The following ZNF469 variants were observed in gnomAD, a reference collection of about 807,000 sequenced individuals.
The protein encoded by ZNF469 is zinc finger protein 469.
Under a neutral mutation model 1.0 loss-of-function variants are expected in ZNF469, and 1 was observed. The observed-to-expected ratio is 1.00, with a 90% CI of 0.35 to 4.73. ZNF469 has a LOEUF of 4.73. Ranked by LOEUF, ZNF469 falls within the 30% of genes most tolerant of loss-of-function variation. The probability of loss-of-function intolerance (pLI) is 0.16; values close to 1 mark genes in which losing one functional copy is unlikely to be tolerated. For missense variants in ZNF469, 6,100 were observed against 5,356.3 expected (o/e 1.14, Z -4.33); for synonymous variants, 2,703 against 2,363.4 (o/e 1.14, Z -4.17).
chr16:88,160,592 C>T, the ZNF469 span, among the ~76,000 whole-genome samples: 1 of 152,176 alleles, frequency 6.6e-6, no homozygotes, highest in Non-Finnish European at 1.5e-5. Flanking sequence ...TCGCTTTTCT[C>T]AACTCTTTTC....
chr16:88,118,229 C>T, the ZNF469 span, among the ~76,000 whole-genome samples: 16 of 152,376 alleles, frequency 1.1e-4, no homozygotes, highest in South Asian at 3.3e-3. Context: ...AGGCGTGAAC[C>T]ACTGCACCCG....
the ZNF469 span, among the ~76,000 whole-genome samples, chr16:88,197,172 G>A: frequency 3.9e-5 from 6 of 152,262 alleles, no homozygotes; most frequent in South Asian, 6.2e-4. Context: ...TCTAGCCTTC[G>A]GATAAAGCTG....
At chr16:88,223,652 C>T in the ZNF469 span, among the ~76,000 whole-genome samples, 1 of 152,124 alleles carries the variant, frequency 6.6e-6, no homozygotes, top group Non-Finnish European at 1.5e-5. Context: ...GTGCCTGGTG[C>T]GTGGGGCGTC....
chr16:88,230,793 C>A, the ZNF469 span, among the ~76,000 whole-genome samples: 1 of 152,344 alleles, frequency 6.6e-6, no homozygotes, highest in East Asian at 1.9e-4. Context: ...CAGTCCCCAC[C>A]CGCTGCTGAA....
chr16:88,417,129 C>G (rs1905322710), intron 1 of ZNF469, among the ~76,000 whole-genome samples: 1 of 152,282 alleles, frequency 6.6e-6, no homozygotes, highest in Admixed American at 6.5e-5. Context: ...TGCTGGGCCT[C>G]CCCCAGGAGG....
At chr16:88,388,809 T>C (rs1016849589) in intron 1 of ZNF469, among the ~76,000 whole-genome samples, 11 of 151,778 alleles carry the variant, frequency 7.2e-5, no homozygotes, top group Non-Finnish European at 1.5e-5. Flanking sequence ...CTGCCCCATC[T>C]GTAGAAGCCG....
intron 1 of ZNF469, among the ~76,000 whole-genome samples, chr16:88,413,142 C>T (rs996987477): frequency 1.2e-4 from 18 of 152,298 alleles, no homozygotes; most frequent in South Asian, 6.2e-4. Context: ...CATAGTCGTG[C>T]GTAAAGCTAA....
At chr16:88,150,937 CG>C in the ZNF469 span, among the ~76,000 whole-genome samples, 1 of 152,118 alleles carries the variant, frequency 6.6e-6, no homozygotes, top group South Asian at 2.1e-4. Context: ...TCCTCAGGCC[CG>C]GGGAAGGGGT....
In ZNF469 at chr16:88,433,395, G is replaced by A; in HGVS notation, c.5925G>A (p.Leu1975=). 6.5e-7 allele frequency: 1 copy of A among 1,550,348 alleles called. No individual in the cohort carries two copies. The highest frequency in any genetic ancestry group is 1.2e-5 in the South Asian group (1 of 84,064). Residue 1975 remains leucine (L), a synonymous_variant, in exon 3 of 3, where the codon CTG becomes CTA. Coordinates refer to ENST00000565624, the MANE Select transcript of ZNF469 (RefSeq NM_001367624.2). ...TTLPAVAGHQ[L]GLEADGHWGL... is the part of the protein sequence containing the mutation. ...TCCCTGCAGTGGCCGGACATCAGCTGGGGCTGGAGGCAGATGGACATTGGG... is the reference window on the plus strand; with the variant it reads ...TCCCTGCAGTGGCCGGACATCAGCTAGGGCTGGAGGCAGATGGACATTGGG...
chr16:88,129,229 C>T, the ZNF469 span, among the ~76,000 whole-genome samples: 2 of 152,222 alleles, frequency 1.3e-5, no homozygotes, highest in African/African-American at 4.8e-5. Context: ...ACCAAACTAA[C>T]ACGAGCCTCA....
the ZNF469 span, among the ~76,000 whole-genome samples, chr16:88,152,087 T>G: frequency 6.6e-6 from 1 of 152,076 alleles, no homozygotes. The surrounding 1 kb of genome is among the most constrained non-coding windows in gnomAD (Gnocchi z 4.2). Context: ...AGAGCTGGCT[T>G]TGGAGAAGAT....
chr16:88,410,558 C>T (rs1048061595), intron 1 of ZNF469, among the ~76,000 whole-genome samples: 12 of 149,020 alleles, frequency 8.1e-5, no homozygotes, highest in East Asian at 4.1e-4. Context: ...TTCACGGTGA[C>T]GTCTATGATG....
intron 1 of ZNF469, among the ~76,000 whole-genome samples, chr16:88,383,896 G>A (rs1439679028): frequency 6.6e-6 from 1 of 152,192 alleles, no homozygotes; most frequent in African/African-American, 2.4e-5. Flanking sequence ...TTGGCTGGAC[G>A]TCTAGACCCG....
At chr16:88,343,974 T>A in the ZNF469 span, among the ~76,000 whole-genome samples, 1 of 152,140 alleles carries the variant, frequency 6.6e-6, no homozygotes, top group African/African-American at 2.4e-5. Flanking sequence ...TCATGAGTCC[T>A]TTTGATGGTG....
At chr16:88,222,485 C>T in the ZNF469 span, among the ~76,000 whole-genome samples, 3 of 152,170 alleles carry the variant, frequency 2.0e-5, no homozygotes, top group South Asian at 2.1e-4. Flanking sequence ...AGGCTGGGTG[C>T]GGTGGCTCAC....
At chr16:88,170,166 G>C in the ZNF469 span, among the ~76,000 whole-genome samples, 2 of 152,078 alleles carry the variant, frequency 1.3e-5, no homozygotes, top group African/African-American at 4.8e-5. The surrounding 1 kb of genome is among the most constrained non-coding windows in gnomAD (Gnocchi z 4.2). Flanking sequence ...AGGTATATTC[G>C]ACAAATGGAA....
Position 88,435,431 on chromosome 16 carries a change from A to T in ZNF469, c.7961A>T (p.Asp2654Val), listed in dbSNP as rs550109690. Residue 2654 changes from aspartate (D) to valine (V), a missense_variant, in exon 3 of 3, where the codon GAT becomes GTT. Coordinates refer to ENST00000565624, the MANE Select transcript of ZNF469 (RefSeq NM_001367624.2). ...GAGAGCATTCTTCCAGTCTCTGCTGATGTGATTTCAGATGGGCGCGGCTCC... is the reference window on the plus strand; with the variant it reads ...GAGAGCATTCTTCCAGTCTCTGCTGTTGTGATTTCAGATGGGCGCGGCTCC... Reference protein sequence around the residue: ...REESILPVSADVISDGRGSRP... With the variant: ...REESILPVSAVVISDGRGSRP... The T allele has an allele frequency of 2.3e-5, 36 of 1,550,176 alleles. No homozygotes were observed. The South Asian group carries it at 3.8e-4, about 16-fold the overall frequency.
At chr16:88,180,798 T>C in the ZNF469 span, among the ~76,000 whole-genome samples, 1 of 151,606 alleles carries the variant, frequency 6.6e-6, no homozygotes, top group African/African-American at 2.4e-5. Flanking sequence ...AACAAACAAA[T>C]AAAAGTGCCA....
the ZNF469 span, among the ~76,000 whole-genome samples, chr16:88,357,287 C>T: frequency 6.6e-6 from 1 of 152,260 alleles, no homozygotes; most frequent in African/African-American, 2.4e-5. Context: ...GACAACCTCT[C>T]TGCAGAGGTG....
Sources: gnomAD v4.1 joint callset for allele counts (sites outside exome capture counted in the v4.1 genomes callset) on GRCh38, gnomAD v4.1.1 for gene constraint, Gnocchi (gnomAD v3.1) non-coding constraint, MANE v1.5 for transcripts, NCBI Gene and HGNC (gene_info 2026-07-23, HGNC 2026-07-21) for gene names.